SLIT3: variants seen among roughly 807,000 people sequenced by gnomAD.
The protein encoded by SLIT3 is slit homolog 3 protein.
In SLIT3, 68 loss-of-function variants were observed where a neutral mutation model predicts 184.0. The ratio of observed to expected loss-of-function variants is 0.37; its 90% CI spans 0.30 to 0.45. SLIT3 has a LOEUF of 0.45. SLIT3 is among the 20% of genes least tolerant of loss of function. SLIT3 has a pLI of 1.00. For missense variants in SLIT3, 1,707 were observed against 2,026.0 expected, an observed-to-expected ratio of 0.84 and a Z score of 3.02; for synonymous variants, 831 against 828.6, an observed-to-expected ratio of 1.00 and a Z score of -0.05.
chr5:168,891,584 C>G (rs971159280), intron 4 of SLIT3, among the ~76,000 whole-genome samples: 1 of 152,182 alleles, frequency 6.6e-6, no homozygotes, highest in African/African-American at 2.4e-5. Context: ...CAGGGCTGAA[C>G]AGCCAGGCTG....
intron 1 of SLIT3, among the ~76,000 whole-genome samples, chr5:169,264,160 T>G (rs556593770): frequency 6.6e-6 from 1 of 152,116 alleles, no homozygotes; most frequent in Non-Finnish European, 1.5e-5. Flanking sequence ...ACTCTGGAAT[T>G]TTAGCCATTT....
intron 1 of SLIT3, among the ~76,000 whole-genome samples, chr5:169,258,850 C>T (rs116714733): frequency 0.013 from 1,904 of 152,214 alleles, 26 homozygotes; most frequent in Non-Finnish European, 0.021. Flanking sequence ...CTGGGAAGAG[C>T]AAGGAGTGAA....
At chr5:169,137,335 CAG>C (rs1554101372) in intron 4 of SLIT3, among the ~76,000 whole-genome samples, 39 of 138,552 alleles carry the variant, frequency 2.8e-4, no homozygotes, top group African/African-American at 4.8e-4. Flanking sequence ...CACACACACA[CAG>C]AGAGAGAGAG....
chr5:169,249,901 C>A (rs570628968), intron 2 of SLIT3, among the ~76,000 whole-genome samples: 1 of 152,370 alleles, frequency 6.6e-6, no homozygotes, highest in East Asian at 1.9e-4. Context: ...GTGTGGAGAG[C>A]ATCTGCAAGC....
At chr5:169,158,291 A>T (rs1762373167) in intron 4 of SLIT3, among the ~76,000 whole-genome samples, 1 of 152,228 alleles carries the variant, frequency 6.6e-6, no homozygotes, top group Non-Finnish European at 1.5e-5. Context: ...TCTCATCAGA[A>T]ACCATGAAGT....
chr5:169,198,976 A>ACACACG lies in SLIT3; in HGVS notation c.342-5427_342-5426insCGTGTG, dbSNP rs1554106510. Among the ~76,000 whole-genome samples, 981 of 149,298 alleles carry ACACACG rather than the reference A, an allele frequency of 6.6e-3. 6 individuals carry two copies. The highest frequency in any genetic ancestry group is 0.02 in the African/African-American group (815 of 40,538). On this transcript the variant is annotated intron_variant, in intron 3 of 35. Coordinates refer to ENST00000519560, the MANE Select transcript of SLIT3 (RefSeq NM_003062.4). Reference sequence around the variant, plus strand: ...TATACACACACACACACACACACACATATGTGTGTATATTTATATATATAT... The same window carrying ACACACG: ...TATACACACACACACACACACACACACACACGTATGTGTGTATATTTATATATATAT...
intron 28 of SLIT3, among the ~76,000 whole-genome samples, chr5:168,694,710 C>T (rs921023274): frequency 6.6e-6 from 1 of 152,180 alleles, no homozygotes; most frequent in East Asian, 1.9e-4. Context: ...CCTTCACCTC[C>T]TGGGTTCAAG....
intron 5 of SLIT3, among the ~76,000 whole-genome samples, chr5:168,846,216 T>C (rs10061733): frequency 0.015 from 2,216 of 152,194 alleles, 60 homozygotes; most frequent in African/African-American, 0.051. Context: ...TGATAGAAGA[T>C]TTAGATATTT....
intron 1 of SLIT3, among the ~76,000 whole-genome samples, chr5:169,281,875 T>C (rs79411435): frequency 0.027 from 4,112 of 152,062 alleles, 187 homozygotes; most frequent in African/African-American, 0.092. Flanking sequence ...GAGGTAATTT[T>C]CCCCCCCAGG....
chr5:168,679,165 C>A (rs1185675474), intron 32 of SLIT3, among the ~76,000 whole-genome samples: 1 of 152,164 alleles, frequency 6.6e-6, no homozygotes, highest in South Asian at 2.1e-4. Context: ...TTCAAGTGAT[C>A]CTCCTGCCTC....
At chr5:169,029,825 A>G (rs1363879540) in intron 4 of SLIT3, among the ~76,000 whole-genome samples, 1 of 152,196 alleles carries the variant, frequency 6.6e-6, no homozygotes, top group East Asian at 1.9e-4. Flanking sequence ...TTCCAATGGA[A>G]TCCACTGTAA....
chr5:168,928,068 G>C (rs1761885090), intron 4 of SLIT3, among the ~76,000 whole-genome samples: 2 of 152,194 alleles, frequency 1.3e-5, no homozygotes, highest in Admixed American at 1.3e-4. Flanking sequence ...TCAAGTCAGA[G>C]ATCATACATT....
intron 8 of SLIT3, among the ~76,000 whole-genome samples, chr5:168,814,264 G>A (rs770618190): frequency 1.3e-5 from 2 of 152,132 alleles, no homozygotes; most frequent in Non-Finnish European, 2.9e-5. Context: ...AGGCAGGGTG[G>A]TAGGTGCCTG....
rs201842323 is a variant in SLIT3 at position 169,230,358 on chromosome 5, G to GA, written c.341+14346dup. Among the ~76,000 whole-genome samples, 936 of 152,268 alleles carry GA rather than the reference G, an allele frequency of 6.1e-3. 32 individuals are homozygous for GA. The highest frequency in any genetic ancestry group is 0.053 in the Admixed American group (814 of 15,292). ...TCTGAATCTCTGCATACTTAGGCTA[G>GA]AACCCACTAAACCTCTAAGGAACAT... On this transcript the variant is annotated intron_variant, in intron 3 of 35. Transcript: ENST00000519560.
chr5:169,257,100 T>C (rs1765985155), intron 1 of SLIT3, among the ~76,000 whole-genome samples: 1 of 152,188 alleles, frequency 6.6e-6, no homozygotes, highest in African/African-American at 2.4e-5. Context: ...AGCATACAGA[T>C]AGATTACATT....
intron 1 of SLIT3, among the ~76,000 whole-genome samples, chr5:169,261,091 G>C (rs1273211639): frequency 6.6e-6 from 1 of 152,208 alleles, no homozygotes; most frequent in Non-Finnish European, 1.5e-5. Context: ...GCTGGATTTG[G>C]CCCAGGGGCT....
intron 1 of SLIT3, among the ~76,000 whole-genome samples, chr5:169,275,973 A>G (rs1177087054): frequency 1.3e-5 from 2 of 152,050 alleles, no homozygotes; most frequent in African/African-American, 4.8e-5. Flanking sequence ...AAGGGTGTAC[A>G]TGTGTCTGTG....
intron 3 of SLIT3, among the ~76,000 whole-genome samples, chr5:169,231,607 C>T (rs1012690359): frequency 1.3e-5 from 2 of 152,080 alleles, no homozygotes; most frequent in East Asian, 1.9e-4. Context: ...TTGATTTATT[C>T]TAATGTCAAC....
chr5:169,254,787 T>C (rs79984779), intron 1 of SLIT3, among the ~76,000 whole-genome samples: 2 of 152,320 alleles, frequency 1.3e-5, no homozygotes, highest in East Asian at 3.9e-4. Context: ...GCTTGAGTCT[T>C]TCCAGCCCAG....
Sources: allele counts gnomAD v4.1 joint callset (sites outside exome capture counted in the v4.1 genomes callset), GRCh38; gene constraint gnomAD v4.1.1; transcripts MANE v1.5; gene names NCBI Gene and HGNC (gene_info 2026-07-23, HGNC 2026-07-21).